The following CROCC variants were observed in gnomAD, a reference collection of about 807,000 sequenced individuals.
CROCC encodes the protein ciliary rootlet coiled-coil, rootletin.
A neutral mutation model predicts 245.2 loss-of-function variants in CROCC; 180 were observed. The observed-to-expected ratio is 0.73, with a 90% CI of 0.65 to 0.83. The LOEUF (loss-of-function observed/expected upper bound fraction) is 0.83, where lower values mean the gene tolerates loss of function less well. Among genes scored for constraint, CROCC ranks in the 40% least tolerant of loss-of-function variants. The pLI is 0.00. For missense variants in CROCC, 2,688 were observed against 2,779.4 expected, an observed-to-expected ratio of 0.97 and a Z score of 0.74; for synonymous variants, 1,205 against 1,241.6, an observed-to-expected ratio of 0.97 and a Z score of 0.62.
In CROCC at chr1:16,930,022, G is replaced by A. The variant is rs529355496; in HGVS notation, c.528G>A (p.Leu176=). Residue 176 remains leucine, a synonymous_variant, in exon 4 of 37, where the codon CTG becomes CTA. Coordinates refer to ENST00000375541, the MANE Select transcript of CROCC (RefSeq NM_014675.5). The part of the protein sequence containing the change: ...QQRQAQLVQR[L]QGKILQYKKR... Reference sequence around the variant, plus strand: ...GGCAGGCCCAGCTTGTGCAGCGGCTGCAGGGCAAGGTCAGGACCACCCACT... The same window carrying A: ...GGCAGGCCCAGCTTGTGCAGCGGCTACAGGGCAAGGTCAGGACCACCCACT... The A allele has an allele frequency of 6.3e-6, 10 of 1,574,808 alleles. No individual in the cohort carries two copies. In the South Asian group the frequency reaches 9.3e-5, roughly 15 times the overall value.
At chr1:16,931,055 G>C (rs1357551267) in intron 7 of CROCC, among the ~76,000 whole-genome samples, 1 of 152,282 alleles carries the variant, frequency 6.6e-6, no homozygotes, top group South Asian at 2.1e-4. Flanking sequence ...TTTGCCCTTC[G>C]TTGCTGCCTC....
intron 26 of CROCC, among the ~76,000 whole-genome samples, chr1:16,960,469 C>G (rs1557634166): frequency 6.6e-6 from 1 of 152,236 alleles, no homozygotes; most frequent in African/African-American, 2.4e-5. Context: ...TGGAAAGTTA[C>G]TTAGTGCCTG....
At chr1:16,924,879 G>A (rs775775187) in intron 3 of CROCC, among the ~76,000 whole-genome samples, 4 of 152,268 alleles carry the variant, frequency 2.6e-5, no homozygotes, top group Admixed American at 6.5e-5. Context: ...GCTGGATGCT[G>A]GCTCGAGGCT....
chr1:16,927,790 G>A (rs1156473376), intron 3 of CROCC, among the ~76,000 whole-genome samples: 2 of 152,280 alleles, frequency 1.3e-5, no homozygotes, highest in East Asian at 3.8e-4. Flanking sequence ...TGGCACAGAC[G>A]CTTGACAGGC....
intron 3 of CROCC, among the ~76,000 whole-genome samples, chr1:16,925,958 C>A (rs867338305): frequency 6.6e-6 from 1 of 152,266 alleles, no homozygotes; most frequent in Admixed American, 6.5e-5. Flanking sequence ...AGTGCCACAC[C>A]CCCAGGGCCG....
chr1:16,941,794 A>G (rs1247401125), intron 13 of CROCC, among the ~76,000 whole-genome samples: 7 of 152,094 alleles, frequency 4.6e-5, no homozygotes, highest in Admixed American at 4.6e-4. Flanking sequence ...TCAAGCACTC[A>G]TCAACCATAC....
chr1:16,931,432 A>G (rs1176856530), intron 8 of CROCC, 35 bp downstream of exon 8: 1 of 1,554,928 alleles, frequency 6.4e-7, no homozygotes, highest in African/African-American at 1.3e-5. Flanking sequence ...AGCAGCTGAG[A>G]GCCAGCCCTG....
intron 2 of CROCC, 107 bp downstream of exon 2, chr1:16,922,905 G>GCCTGCCCCACAGCGA: frequency 6.9e-7 from 1 of 1,448,776 alleles, no homozygotes; most frequent in Non-Finnish European, 9.3e-7. Flanking sequence ...AACTCACTGT[G>GCCTGCCCCACAGCGA]GGGCAGGCAC....
At position 16,966,304 on chromosome 1, in the gene CROCC, G is replaced by T; in HGVS notation, c.4697-104G>T. On this transcript the variant is annotated intron_variant, in intron 29 of 36. Transcript: ENST00000375541. This position sits in a 1 kb window ranked among gnomAD's most constrained non-coding sequence, Gnocchi z 4.8. Reference sequence around the variant, plus strand: ...CCGCATACTACGAAGGGTGCAGACAGTCTGGCCCTGCACTGGGTGGAGTGC... The same window carrying T: ...CCGCATACTACGAAGGGTGCAGACATTCTGGCCCTGCACTGGGTGGAGTGC... The T allele has an allele frequency of 7.0e-7, 1 of 1,437,152 alleles. No homozygotes were observed. Among genetic ancestry groups the T allele is most frequent in the Non-Finnish European group, 9.2e-7 (1 of 1,087,388 alleles). The allele number at this position is 1,437,152 out of a possible 1,614,324, so 89.0% of individuals were successfully genotyped here.
chr1:16,956,177 C>T, intron 25 of CROCC, 21 bp downstream of exon 25: 17 of 1,519,396 alleles, frequency 1.1e-5, no homozygotes, highest in Non-Finnish European at 1.4e-5. Flanking sequence ...TGTGCCACCC[C>T]TTAGCCTGGG....
At chr1:16,940,390 ATTT>A (rs34580933) in intron 13 of CROCC, among the ~76,000 whole-genome samples, 1 of 136,290 alleles carries the variant, frequency 7.3e-6, no homozygotes, top group Non-Finnish European at 1.6e-5. Context: ...TGCCGGGCTA[ATTT>A]TTTTTTTTTT....
At chr1:16,942,542 T>C (rs1341001293) in intron 13 of CROCC, among the ~76,000 whole-genome samples, 1 of 152,290 alleles carries the variant, frequency 6.6e-6, no homozygotes, top group Non-Finnish European at 1.5e-5. Context: ...ACACCTACTG[T>C]GTGCCAGGCT....
intron 27 of CROCC, 26 bp downstream of exon 27, chr1:16,961,156 A>G (rs1478687874): frequency 7.9e-7 from 1 of 1,260,602 alleles, no homozygotes; most frequent in Non-Finnish European, 1.0e-6. Context: ...CGCGCAGGGA[A>G]GGGGGGAGGT....
At chr1:16,937,876 A>T (rs1301657009) in intron 10 of CROCC, 139 bp downstream of exon 10, 1 of 754,548 alleles carries the variant, frequency 1.3e-6, no homozygotes, top group Non-Finnish European at 2.3e-6. Flanking sequence ...ACAGGTGTGC[A>T]GGCTTTGTGG....
chr1:16,937,776 T>TG (rs748646699), intron 10 of CROCC, 39 bp downstream of exon 10: 8 of 1,542,242 alleles, frequency 5.2e-6, no homozygotes, highest in Non-Finnish European at 7.1e-6. Flanking sequence ...CAGGGTGAGA[T>TG]GGGGTACCGG....
In CROCC at chr1:16,938,394, C is replaced by T. The variant is rs749118960; in HGVS notation, c.1291-6C>T. ...ACCACCCTTTGTCTCCCTAACCGCA[C>T]TCCAGGAATCCCTGCGGCTACAGGA... On this transcript the variant is annotated splice_region_variant and splice_polypyrimidine_tract_variant and intron_variant, in intron 10 of 36. Transcript: ENST00000375541. The T allele has an allele frequency of 7.7e-6, 12 of 1,558,806 alleles. No homozygotes were observed. The highest frequency in any genetic ancestry group is 9.5e-6 in the Non-Finnish European group (11 of 1,151,896).
At chr1:16,915,654 AAAAGGAG>A (rs1202310544) in intron 1 of CROCC, among the ~76,000 whole-genome samples, 2 of 151,980 alleles carry the variant, frequency 1.3e-5, no homozygotes, top group African/African-American at 4.8e-5. Context: ...AAAAAAAAAA[AAAAGGAG>A]GAGACAGACA....
chr1:16,936,522 G>C, intron 8 of CROCC, 115 bp from the exon 9 acceptor site: 1 of 1,093,324 alleles, frequency 9.1e-7, no homozygotes, highest in Non-Finnish European at 1.3e-6. Context: ...GCCCGCCTTG[G>C]CCTCCTGAAG....
chr1:16,923,041 C>T (rs1419999905), intron 2 of CROCC, among the ~76,000 whole-genome samples: 1 of 152,302 alleles, frequency 6.6e-6, no homozygotes, highest in Non-Finnish European at 1.5e-5. Context: ...GCGTGCTTGC[C>T]TGTAGCCTGC....
Sources: allele counts gnomAD v4.1 joint callset (sites outside exome capture counted in the v4.1 genomes callset), GRCh38; gene constraint gnomAD v4.1.1; non-coding constraint Gnocchi (gnomAD v3.1); transcripts MANE v1.5; gene names NCBI Gene and HGNC (gene_info 2026-07-23, HGNC 2026-07-21).